The following KCTD8 variants were observed in gnomAD, a reference collection of about 807,000 sequenced individuals.
KCTD8 encodes potassium channel tetramerization domain containing 8.
A neutral mutation model predicts 31.5 loss-of-function variants in KCTD8; 27 were observed. The observed-to-expected ratio is 0.86, with a 90% CI of 0.63 to 1.18. KCTD8 has a LOEUF of 1.18. Ranked by LOEUF, KCTD8 falls within the 50% of genes most tolerant of loss-of-function variation. The pLI is 0.00. For synonymous variants in KCTD8, 290 were observed against 280.0 expected, an observed-to-expected ratio of 1.04 and a Z score of -0.36; for missense variants, 658 against 647.7, an observed-to-expected ratio of 1.02 and a Z score of -0.17.
At chr4:44,193,052 A>G (rs1041314434) in intron 1 of KCTD8, among the ~76,000 whole-genome samples, 2 of 152,168 alleles carry the variant, frequency 1.3e-5, no homozygotes, top group Non-Finnish European at 2.9e-5. Context: ...ATATACATCT[A>G]TACAATTAGT....
Position 44,200,958 on chromosome 4 carries a change from A to T in KCTD8, c.962-25708T>A, listed in dbSNP as rs1714129034. On this transcript the variant is annotated intron_variant, in intron 1 of 1. Coordinates refer to ENST00000360029, the MANE Select transcript of KCTD8 (RefSeq NM_198353.3). ...TGAAACTGATAAACAACTTCAATAAAGTTTCAGGATACAAAATTAGTGTAC... is the reference window on the plus strand; with the variant it reads ...TGAAACTGATAAACAACTTCAATAATGTTTCAGGATACAAAATTAGTGTAC... Among the ~76,000 whole-genome samples the T allele has an allele frequency of 2.0e-5, 3 of 152,140 alleles. No homozygotes were observed. The South Asian group carries it at 6.2e-4, about 31-fold the overall frequency.
intron 1 of KCTD8, among the ~76,000 whole-genome samples, chr4:44,393,445 A>C (rs1388903703): frequency 1.3e-5 from 2 of 151,868 alleles, no homozygotes; most frequent in Non-Finnish European, 2.9e-5. Context: ...GGAAAAAAAC[A>C]GTAAATTTAA....
chr4:44,439,972 C>G (rs998380356), intron 1 of KCTD8, among the ~76,000 whole-genome samples: 2 of 151,276 alleles, frequency 1.3e-5, no homozygotes, highest in African/African-American at 4.9e-5. Context: ...CACTCTGTTT[C>G]CCAGGCTGGA....
At chr4:44,215,333 T>C (rs2109345443) in intron 1 of KCTD8, among the ~76,000 whole-genome samples, 1 of 152,318 alleles carries the variant, frequency 6.6e-6, no homozygotes, top group Non-Finnish European at 1.5e-5. Flanking sequence ...AAGGATTTTT[T>C]CTATTTAAAA....
chr4:44,313,170 C>T (rs1190164742), intron 1 of KCTD8, among the ~76,000 whole-genome samples: 3 of 152,154 alleles, frequency 2.0e-5, no homozygotes, highest in African/African-American at 4.8e-5. Context: ...TCTGTATCTG[C>T]GATCTGCCCA....
At chr4:44,245,912 A>T (rs919222460) in intron 1 of KCTD8, among the ~76,000 whole-genome samples, 1 of 152,024 alleles carries the variant, frequency 6.6e-6, no homozygotes. Context: ...AATACTCTCA[A>T]TTTTTTTATA....
chr4:44,298,282 T>C (rs181891975), intron 1 of KCTD8, among the ~76,000 whole-genome samples: 1 of 152,268 alleles, frequency 6.6e-6, no homozygotes, highest in African/African-American at 2.4e-5. Context: ...GTCAGTCTTC[T>C]GTTTCGGAAT....
chr4:44,435,759 A>G (rs1721628491), intron 1 of KCTD8, among the ~76,000 whole-genome samples: 1 of 152,096 alleles, frequency 6.6e-6, no homozygotes. Flanking sequence ...TGTGCAGGAT[A>G]TGGCAGATGT....
At chr4:44,303,738 A>T (rs1392591849) in intron 1 of KCTD8, among the ~76,000 whole-genome samples, 1 of 151,978 alleles carries the variant, frequency 6.6e-6, no homozygotes, top group African/African-American at 2.4e-5. Flanking sequence ...GCTTGAGCCC[A>T]GGAGGCAGAG....
At chr4:44,384,045 C>A (rs997469142) in intron 1 of KCTD8, among the ~76,000 whole-genome samples, 10 of 151,422 alleles carry the variant, frequency 6.6e-5, no homozygotes, top group Admixed American at 5.9e-4. Context: ...AATGGCCAAA[C>A]AAGTATATTT....
intron 1 of KCTD8, among the ~76,000 whole-genome samples, chr4:44,196,536 G>T (rs1713946711): frequency 1.3e-5 from 2 of 152,154 alleles, no homozygotes; most frequent in South Asian, 4.1e-4. Context: ...AAACAAAGTT[G>T]GGAGTAAATA....
At chr4:44,329,431 T>C (rs1311025153) in intron 1 of KCTD8, among the ~76,000 whole-genome samples, 1 of 151,926 alleles carries the variant, frequency 6.6e-6, no homozygotes, top group East Asian at 1.9e-4. Flanking sequence ...TCCTAATAAG[T>C]TTGTATTACT....
chr4:44,349,761 G>A (rs1719150757), intron 1 of KCTD8, among the ~76,000 whole-genome samples: 4 of 152,030 alleles, frequency 2.6e-5, no homozygotes, highest in African/African-American at 2.4e-5. Context: ...GCACAACTCT[G>A]ATTGTATCAA....
intron 1 of KCTD8, among the ~76,000 whole-genome samples, chr4:44,367,822 G>A (rs1399320661): frequency 6.7e-6 from 1 of 149,442 alleles, no homozygotes; most frequent in Non-Finnish European, 1.5e-5. Context: ...CTCATGATTT[G>A]ATATAACCTT....
intron 1 of KCTD8, among the ~76,000 whole-genome samples, chr4:44,202,772 T>C (rs1186863823): frequency 6.6e-6 from 1 of 151,588 alleles, no homozygotes; most frequent in Non-Finnish European, 1.5e-5. Context: ...ATACAAAATC[T>C]AAACAAAAAG....
At chr4:44,435,321 G>C (rs954529734) in intron 1 of KCTD8, among the ~76,000 whole-genome samples, 10 of 151,916 alleles carry the variant, frequency 6.6e-5, no homozygotes, top group Non-Finnish European at 1.3e-4. Context: ...AAAAACAAAA[G>C]GTAAGCCAAG....
Position 44,174,546 on chromosome 4 carries a change from A to C in KCTD8, c.*244T>G, listed in dbSNP as rs1279209052. On this transcript the variant is annotated 3_prime_UTR_variant, in exon 2 of 2. Transcript: ENST00000360029. Reference sequence around the variant, plus strand: ...TGCACATTTTACTTTCATTCTTGTAAAATGGTTTGAATCAGATATTCCATT... The same window carrying C: ...TGCACATTTTACTTTCATTCTTGTACAATGGTTTGAATCAGATATTCCATT... 2.6e-6 allele frequency: 1 copy of C among 379,864 alleles called. No homozygotes were observed. The highest frequency in any genetic ancestry group is 2.1e-5 in the African/African-American group (1 of 48,192). 23.5% of individuals were successfully genotyped at this position (379,864 alleles called of 1,614,324 possible).
At chr4:44,234,367 G>A (rs1365654686) in intron 1 of KCTD8, among the ~76,000 whole-genome samples, 1 of 152,196 alleles carries the variant, frequency 6.6e-6, no homozygotes, top group Non-Finnish European at 1.5e-5. Flanking sequence ...AAACACCTCA[G>A]GGCAGATGAA....
chr4:44,260,820 A>G (rs1385154075), intron 1 of KCTD8, among the ~76,000 whole-genome samples: 1 of 151,946 alleles, frequency 6.6e-6, no homozygotes, highest in African/African-American at 2.4e-5. Flanking sequence ...GTGAGATGGA[A>G]ATCATTGGAA....
Sources: gnomAD v4.1 joint callset for allele counts (sites outside exome capture counted in the v4.1 genomes callset) on GRCh38, gnomAD v4.1.1 for gene constraint, MANE v1.5 for transcripts, NCBI Gene and HGNC (gene_info 2026-07-23, HGNC 2026-07-21) for gene names.